HERC3: variants seen among roughly 807,000 people sequenced by gnomAD.
HERC3 encodes probable E3 ubiquitin-protein ligase HERC3.
A neutral mutation model predicts 129.9 loss-of-function variants in HERC3; 58 were observed. The ratio of observed to expected loss-of-function variants is 0.45; its 90% CI spans 0.36 to 0.56. HERC3 has a LOEUF of 0.56. Among genes scored for constraint, HERC3 ranks in the 20% least tolerant of loss-of-function variants. HERC3 has a pLI of 0.00. For missense variants in HERC3, 835 were observed against 1,244.2 expected (o/e 0.67, Z 4.95); for synonymous variants, 430 against 451.0 (o/e 0.95, Z 0.59).
chr4:88,706,997 C>A lies in HERC3; in HGVS notation c.*37C>A. The A allele has an allele frequency of 6.6e-7, 1 of 1,510,754 alleles. No homozygotes were observed. Among genetic ancestry groups the A allele is most frequent in the Non-Finnish European group, 9.2e-7 (1 of 1,085,936 alleles). 93.6% of individuals were successfully genotyped at this position (1,510,754 alleles called of 1,614,324 possible). On this transcript the variant is annotated 3_prime_UTR_variant, in exon 26 of 26. Transcript: ENST00000402738. ...TTGTCCAGTATTTCCCTTCGTTCCT[C>A]AGTGTCCACATTGAGGCCTATACAG...
At chr4:88,702,372 T>G (rs1483672530) in intron 23 of HERC3, among the ~76,000 whole-genome samples, 2 of 152,238 alleles carry the variant, frequency 1.3e-5, no homozygotes, top group Non-Finnish European at 2.9e-5. Context: ...ATGGAGAAGT[T>G]AAATAACTTG....
chr4:88,538,998 T>G, the HERC3 span, among the ~76,000 whole-genome samples: 4 of 152,180 alleles, frequency 2.6e-5, no homozygotes, highest in East Asian at 7.7e-4. Flanking sequence ...ACTCCCAGTG[T>G]GATTGATGCA....
the HERC3 span, among the ~76,000 whole-genome samples, chr4:88,546,694 C>A: frequency 6.6e-6 from 1 of 152,156 alleles, no homozygotes; most frequent in Non-Finnish European, 1.5e-5. Context: ...TCCTTTCATG[C>A]ATTGTGTAAC....
At chr4:88,567,595 T>G in the HERC3 span, among the ~76,000 whole-genome samples, 15 of 152,136 alleles carry the variant, frequency 9.9e-5, no homozygotes, top group South Asian at 4.1e-4. Context: ...TTCTTCAGTA[T>G]GTCAATTGAA....
chr4:88,690,533 G>A (rs1395924395), intron 23 of HERC3: 1 of 985,138 alleles, frequency 1.0e-6, no homozygotes, highest in Admixed American at 6.1e-5. Flanking sequence ...CTGAGGAAGG[G>A]GAACATTCAG....
the HERC3 span, among the ~76,000 whole-genome samples, chr4:88,564,474 A>T: frequency 6.6e-6 from 1 of 152,052 alleles, no homozygotes; most frequent in Non-Finnish European, 1.5e-5. Flanking sequence ...TGGTCTATTC[A>T]CGTTTTGGAT....
At chr4:88,685,763 AAAT>A (rs139475837) in intron 21 of HERC3, among the ~76,000 whole-genome samples, 9 of 151,628 alleles carry the variant, frequency 5.9e-5, no homozygotes, top group East Asian at 1.9e-4. Context: ...ACTTAAAGTA[AAAT>A]AATAATAATA....
rs911262831 is a variant in HERC3, at chr4:88,680,369, A to T, written c.2340+133A>T. The T allele has an allele frequency of 8.0e-6, 5 of 622,170 alleles. No homozygotes were observed. The African/African-American group carries it at 9.6e-5, about 12-fold the overall frequency. 38.5% of individuals were successfully genotyped at this position (622,170 alleles called of 1,614,324 possible). ...TAATAATTCAAAATGTTTATAAGTA[A>T]TTAAAATGTTTATCCAGTCTTCATT... On this transcript the variant is annotated intron_variant, in intron 20 of 25. Coordinates refer to ENST00000402738, the MANE Select transcript of HERC3 (RefSeq NM_014606.3).
intron 7 of HERC3, among the ~76,000 whole-genome samples, chr4:88,654,649 T>C (rs1169082686): frequency 6.6e-6 from 1 of 151,452 alleles, no homozygotes; most frequent in Non-Finnish European, 1.5e-5. Context: ...ATTAATGTTT[T>C]AAAATAATCA....
chr4:88,629,301 T>C (rs904417369), intron 3 of HERC3, among the ~76,000 whole-genome samples: 1 of 141,524 alleles, frequency 7.1e-6, no homozygotes, highest in Admixed American at 6.9e-5. Flanking sequence ...AAAAACAACA[T>C]TGGTATTTCT....
intron 2 of HERC3, among the ~76,000 whole-genome samples, chr4:88,597,779 C>T (rs1722557266): frequency 6.6e-6 from 1 of 152,100 alleles, no homozygotes; most frequent in Non-Finnish European, 1.5e-5. Context: ...CCTGTGTTGG[C>T]TGAGGGGGTC....
At chr4:88,579,230 AAAATAT>A in the HERC3 span, among the ~76,000 whole-genome samples, 1 of 98,692 alleles carries the variant, frequency 1.0e-5, no homozygotes, top group African/African-American at 8.9e-5. Context: ...AAAAAAAAAA[AAAATAT>A]ATATATATAT....
chr4:88,676,010 G>GT (rs1732125928), intron 16 of HERC3, among the ~76,000 whole-genome samples: 1 of 152,130 alleles, frequency 6.6e-6, no homozygotes, highest in African/African-American at 2.4e-5. Flanking sequence ...ATAAGAAAAT[G>GT]TTTTTTAATT....
chr4:88,589,092 G>A (rs549576364), upstream of HERC3, among the ~76,000 whole-genome samples: 13 of 152,092 alleles, frequency 8.5e-5, no homozygotes, highest in Non-Finnish European at 1.5e-4. Context: ...GCACGCGTGT[G>A]TGCGTGTGTG....
intron 3 of HERC3, among the ~76,000 whole-genome samples, chr4:88,648,693 AATAG>A (rs1398738655): frequency 1.3e-5 from 2 of 152,114 alleles, no homozygotes; most frequent in Non-Finnish European, 2.9e-5. Flanking sequence ...CTGGGCACTT[AATAG>A]ATCCTTTCAG....
chr4:88,634,014 C>T (rs766369494), intron 3 of HERC3, among the ~76,000 whole-genome samples: 2 of 152,130 alleles, frequency 1.3e-5, no homozygotes, highest in Non-Finnish European at 2.9e-5. Context: ...TAATCTTGCA[C>T]CGGCAACCAA....
the HERC3 span, among the ~76,000 whole-genome samples, chr4:88,548,148 T>A: frequency 1.3e-5 from 2 of 152,208 alleles, no homozygotes; most frequent in Non-Finnish European, 2.9e-5. Context: ...TTATGAATAA[T>A]GTTGTTATGA....
At chr4:88,560,383 ATCT>A in the HERC3 span, among the ~76,000 whole-genome samples, 4 of 152,156 alleles carry the variant, frequency 2.6e-5, no homozygotes, top group Non-Finnish European at 5.9e-5. Flanking sequence ...TCATTGTTAT[ATCT>A]TCTTTGGAGA....
chr4:88,603,869 T>G (rs1023406068), intron 2 of HERC3, among the ~76,000 whole-genome samples: 1 of 152,252 alleles, frequency 6.6e-6, no homozygotes, highest in African/African-American at 2.4e-5. Flanking sequence ...TTGTGCCTAT[T>G]ATGTTGGTAA....
Sources: allele counts gnomAD v4.1 joint callset (sites outside exome capture counted in the v4.1 genomes callset), GRCh38; gene constraint gnomAD v4.1.1; transcripts MANE v1.5; gene names NCBI Gene and HGNC (gene_info 2026-07-23, HGNC 2026-07-21).